Variants in CNTNAP2 observed in about 807,000 individuals in gnomAD.
CNTNAP2 encodes the protein contactin-associated protein-like 2.
In CNTNAP2, 98 loss-of-function variants were observed where a neutral mutation model predicts 155.2. The observed-to-expected ratio is 0.63, with a 90% confidence interval of 0.54 to 0.75. The LOEUF is 0.75. Among genes scored for constraint, CNTNAP2 ranks in the 30% least tolerant of loss-of-function variants. The probability of loss-of-function intolerance (pLI) is 0.00; values close to 1 mark genes in which losing one functional copy is unlikely to be tolerated. For missense variants in CNTNAP2, 1,727 were observed against 1,688.1 expected, an observed-to-expected ratio of 1.02 and a Z score of -0.40; for synonymous variants, 651 against 631.2, an observed-to-expected ratio of 1.03 and a Z score of -0.47.
chr7:147,578,150 AT>A (rs1376229449), intron 12 of CNTNAP2, among the ~76,000 whole-genome samples: 2 of 152,038 alleles, frequency 1.3e-5, no homozygotes, highest in Non-Finnish European at 2.9e-5. Flanking sequence ...CTGCATGGTG[AT>A]TTTTTTAATC....
At chr7:147,712,157 G>A (rs543963006) in intron 13 of CNTNAP2, among the ~76,000 whole-genome samples, 96 of 152,026 alleles carry the variant, frequency 6.3e-4, no homozygotes, top group Non-Finnish European at 1.1e-3. Context: ...GCTCATCATC[G>A]CTGGCCATCA....
intron 20 of CNTNAP2, chr7:148,262,996 C>T (rs949433163): frequency 1.1e-4 from 16 of 152,258 alleles, no homozygotes; most frequent in African/African-American, 3.9e-4. Flanking sequence ...AACCCACCTT[C>T]CCCACAATCC....
chr7:147,088,627 C>T (rs1051318534), intron 4 of CNTNAP2, among the ~76,000 whole-genome samples: 4 of 152,196 alleles, frequency 2.6e-5, no homozygotes, highest in East Asian at 3.9e-4. Flanking sequence ...CCTGAAGGGC[C>T]GTGTCAGGTC....
chr7:148,214,756 A>G (rs558250766), intron 18 of CNTNAP2, among the ~76,000 whole-genome samples: 2 of 152,180 alleles, frequency 1.3e-5, no homozygotes, highest in Non-Finnish European at 2.9e-5. Flanking sequence ...TTTTTAGTAG[A>G]GACGGGGTTT....
chr7:147,546,237 A>G (rs987245775), intron 11 of CNTNAP2, among the ~76,000 whole-genome samples: 1 of 152,190 alleles, frequency 6.6e-6, no homozygotes, highest in African/African-American at 2.4e-5. Context: ...TTCATTAAAG[A>G]ACACTACTGT....
chr7:146,711,656 A>G (rs1801074404), intron 1 of CNTNAP2, among the ~76,000 whole-genome samples: 1 of 148,884 alleles, frequency 6.7e-6, no homozygotes. Context: ...TGAGGTTCAC[A>G]CTGAAGCTAT....
intron 9 of CNTNAP2, among the ~76,000 whole-genome samples, chr7:147,308,249 T>C (rs1264670355): frequency 1.3e-5 from 2 of 152,096 alleles, no homozygotes; most frequent in Non-Finnish European, 2.9e-5. Context: ...TCAGTGTGGC[T>C]GAGAAAAGGT....
chr7:146,603,045 C>A (rs1449719600), intron 1 of CNTNAP2, among the ~76,000 whole-genome samples: 1 of 151,486 alleles, frequency 6.6e-6, no homozygotes, highest in African/African-American at 2.4e-5. Flanking sequence ...TTCAAGCAAG[C>A]ATAGGGCTCT....
rs112626781 is a variant in CNTNAP2, at chr7:147,204,313, A to C, written c.1348+71804A>C. ...AGTATGTATAAAAATGTTGCATTTAAATTGAAGATGAAATTAATTATTTAA... is the reference window on the plus strand; with the variant it reads ...AGTATGTATAAAAATGTTGCATTTACATTGAAGATGAAATTAATTATTTAA... On this transcript the variant is annotated intron_variant, in intron 8 of 23. Coordinates refer to ENST00000361727, the MANE Select transcript of CNTNAP2 (RefSeq NM_014141.6). Among the ~76,000 whole-genome samples the C allele has an allele frequency of 3.4e-3, 516 of 152,276 alleles. 5 individuals carry two copies. Among genetic ancestry groups the C allele is most frequent in the African/African-American group, 0.011 (468 of 41,574 alleles).
chr7:146,860,868 ATAAT>A (rs1396955571), intron 3 of CNTNAP2, among the ~76,000 whole-genome samples: 1 of 152,060 alleles, frequency 6.6e-6, no homozygotes, highest in African/African-American at 2.4e-5. Flanking sequence ...TTGGATTAAG[ATAAT>A]TAATAACCAT....
At chr7:146,621,916 A>G (rs1426909112) in intron 1 of CNTNAP2, among the ~76,000 whole-genome samples, 5 of 152,012 alleles carry the variant, frequency 3.3e-5, no homozygotes, top group African/African-American at 9.7e-5. Flanking sequence ...AATCATTTAC[A>G]TTATTATGGA....
At chr7:148,259,647 GTA>G (rs1419503556) in intron 20 of CNTNAP2, among the ~76,000 whole-genome samples, 2 of 152,196 alleles carry the variant, frequency 1.3e-5, no homozygotes, top group African/African-American at 4.8e-5. Context: ...CGCCATTTAG[GTA>G]TTTCTTCTTT....
intron 1 of CNTNAP2, among the ~76,000 whole-genome samples, chr7:146,616,702 G>A (rs1799230316): frequency 6.6e-6 from 1 of 152,270 alleles, no homozygotes; most frequent in Middle Eastern, 3.4e-3. Flanking sequence ...TAGTTTCCCA[G>A]ACTAGCGTCT....
intron 21 of CNTNAP2, among the ~76,000 whole-genome samples, chr7:148,290,142 T>C (rs1797164793): frequency 6.6e-6 from 1 of 152,200 alleles, no homozygotes; most frequent in Admixed American, 6.5e-5. Flanking sequence ...AGCAACATAA[T>C]TGAATAATAT....
chr7:147,692,000 C>G (rs1796093827), intron 13 of CNTNAP2, among the ~76,000 whole-genome samples: 1 of 152,110 alleles, frequency 6.6e-6, no homozygotes, highest in Non-Finnish European at 1.5e-5. Context: ...CCTAAAAGTC[C>G]TCTGCTCTGG....
intron 1 of CNTNAP2, among the ~76,000 whole-genome samples, chr7:146,643,886 A>G (rs891421722): frequency 6.6e-5 from 10 of 151,448 alleles, no homozygotes; most frequent in African/African-American, 2.2e-4. Flanking sequence ...CGTCTCTTGT[A>G]AGTTGGATTC....
At chr7:148,038,211 G>T (rs536661736) in intron 15 of CNTNAP2, among the ~76,000 whole-genome samples, 1 of 152,156 alleles carries the variant, frequency 6.6e-6, no homozygotes, top group Non-Finnish European at 1.5e-5. Flanking sequence ...AGGCAATTCA[G>T]TCTGATGCCT....
chr7:146,387,382 C>A (rs1191951776), intron 1 of CNTNAP2, among the ~76,000 whole-genome samples: 2 of 152,132 alleles, frequency 1.3e-5, no homozygotes, highest in Non-Finnish European at 2.9e-5. Context: ...CTTAGAACAG[C>A]CTACTCCCCT....
intron 1 of CNTNAP2, among the ~76,000 whole-genome samples, chr7:146,419,573 T>G (rs1795983243): frequency 6.6e-6 from 1 of 152,160 alleles, no homozygotes; most frequent in East Asian, 1.9e-4. Context: ...TCTTTTTATA[T>G]TCTTTAATTA....
Sources: allele counts gnomAD v4.1 joint callset (sites outside exome capture counted in the v4.1 genomes callset), GRCh38; gene constraint gnomAD v4.1.1; transcripts MANE v1.5; gene names NCBI Gene and HGNC (gene_info 2026-07-23, HGNC 2026-07-21).